Variants in DMPK observed in about 807,000 individuals in gnomAD.
DMPK encodes DM1 protein kinase.
Under a neutral mutation model 70.3 loss-of-function variants are expected in DMPK, and 32 were observed. That is an observed-to-expected ratio of 0.46 (90% CI 0.34 to 0.61). The LOEUF (loss-of-function observed/expected upper bound fraction) is 0.61. Among genes scored for constraint, DMPK ranks in the 20% least tolerant of loss-of-function variants. The probability of loss-of-function intolerance (pLI) is 0.01; values close to 1 mark genes in which losing one functional copy is unlikely to be tolerated. For synonymous variants in DMPK, 469 were observed against 390.9 expected, an observed-to-expected ratio of 1.20 and a Z score of -2.36; for missense variants, 899 against 886.0, an observed-to-expected ratio of 1.01 and a Z score of -0.19.
chr19:45,770,169 G>A lies in DMPK; in HGVS notation c.*319C>T. The stretch of plus-strand genomic sequence containing the variant: ...TTTGCCCATCCACGTCAGGGCCTCA[G>A]CCTGGCCGAAAGAAAGAAATGGTCT... On this transcript the variant is annotated 3_prime_UTR_variant, in exon 15 of 15. Transcript: ENST00000291270. 2 of 660,918 alleles carry A rather than the reference G, an allele frequency of 3.0e-6. No homozygotes were observed. Among genetic ancestry groups the A allele is most frequent in the Admixed American group, 2.4e-5 (1 of 42,288 alleles). 40.9% of individuals were successfully genotyped at this position (660,918 alleles called of 1,614,324 possible). A position where few individuals can be genotyped will look rare whatever the true frequency, so the allele number is the denominator to read the frequency against.
At chr19:45,772,806 G>A in intron 9 of DMPK, 54 bp from the exon 10 acceptor site, 9 of 1,063,590 alleles carry the variant, frequency 8.5e-6, no homozygotes, top group Non-Finnish European at 1.2e-5. Context: ...TTCTCTGGTG[G>A]AGAACCAGAA....
At chr19:45,780,559 C>A (rs1745930047) in intron 1 of DMPK, 2 of 1,026,370 alleles carry the variant, frequency 1.9e-6, no homozygotes, top group Middle Eastern at 2.9e-4. Flanking sequence ...GAATGTTAAA[C>A]TGGGCAGCCT....
At chr19:45,776,769 T>C (rs1484657793) in intron 8 of DMPK, 1 of 152,838 alleles carries the variant, frequency 6.5e-6, no homozygotes, top group Non-Finnish European at 1.5e-5. Flanking sequence ...CCCATCATTT[T>C]TTCTTGTATC....
At chr19:45,778,096 CA>C in intron 6 of DMPK, 30 bp downstream of exon 6, 1 of 1,562,026 alleles carries the variant, frequency 6.4e-7, no homozygotes, top group Non-Finnish European at 8.8e-7. Context: ...TCAGCAGCCC[CA>C]GTTGCTCTGT....
At chr19:45,775,198 C>T in intron 8 of DMPK, 164 bp from the exon 9 acceptor site, 2 of 590,042 alleles carry the variant, frequency 3.4e-6, no homozygotes, top group Non-Finnish European at 3.0e-6. Context: ...TACGGAGTCT[C>T]GCTCTGTTAC....
intron 1 of DMPK, chr19:45,780,149 G>T: frequency 7.0e-7 from 1 of 1,435,754 alleles, no homozygotes; most frequent in Non-Finnish European, 9.1e-7. Flanking sequence ...GTGGGGTAAC[G>T]GAGTCTGCAG....
chr19:45,775,131 C>T, intron 8 of DMPK, 97 bp from the exon 9 acceptor site: 1 of 922,168 alleles, frequency 1.1e-6, no homozygotes. Flanking sequence ...CCAGCCCCAA[C>T]TCAGGGCTTA....
At position 45,771,254 on chromosome 19, in the gene DMPK, G is replaced by A. The variant is rs748842067; in HGVS notation, c.1647+96C>T. ...GCCCTCTAAAGTCGCAAAGACGTAG[G>A]GTGAGCCCTATATCTGGACGGGGAG... On this transcript the variant is annotated intron_variant, in intron 13 of 14. Transcript: ENST00000291270. 3 of 1,483,366 alleles carry A rather than the reference G, an allele frequency of 2.0e-6. No individual in the cohort carries two copies. In the African/African-American group the frequency reaches 4.2e-5, roughly 21 times the overall value. The allele number at this position is 1,483,366 out of a possible 1,614,324, so 91.9% of individuals were successfully genotyped here.
At chr19:45,773,477 A>G (rs1969595740) in intron 9 of DMPK, among the ~76,000 whole-genome samples, 1 of 152,202 alleles carries the variant, frequency 6.6e-6, no homozygotes, top group Non-Finnish European at 1.5e-5. Context: ...ACAAAGTAGC[A>G]TGAGGAAGGG....
chr19:45,781,868 ATGACCC>A (rs1251933039), intron 1 of DMPK, among the ~76,000 whole-genome samples: 3 of 152,270 alleles, frequency 2.0e-5, no homozygotes, highest in African/African-American at 2.4e-5. Flanking sequence ...AGCTCCCAGC[ATGACCC>A]TGACCCTGAC....
In DMPK at chr19:45,770,620, C is replaced by A; in HGVS notation, c.1758G>T (p.Ser586=). 6.4e-7 allele frequency: 1 copy of A among 1,552,634 alleles called. No homozygotes were observed. The highest frequency in any genetic ancestry group is 8.7e-7 in the Non-Finnish European group (1 of 1,148,138). The change falls in exon 15 of 15, where the codon TCG becomes TCT. Residue 586 remains serine (S), a synonymous_variant. Coordinates refer to ENST00000291270, the MANE Select transcript of DMPK (RefSeq NM_004409.5). ...LPARVPRPGL[S]EALSLLLFAV... is the part of the protein sequence containing the mutation. Reference sequence around the variant, plus strand: ...CGAACAGGAGCAGGGAAAGCGCCTCCGATAGGCCAGGCCTAGGGACCTGCG... The same window carrying A: ...CGAACAGGAGCAGGGAAAGCGCCTCAGATAGGCCAGGCCTAGGGACCTGCG...
intron 13 of DMPK, 30 bp from the exon 14 acceptor site, chr19:45,771,090 C>A (rs753859065): frequency 5.3e-6 from 8 of 1,498,696 alleles, no homozygotes; most frequent in Non-Finnish European, 7.2e-6. Context: ...GTGACCCGAT[C>A]GGAGCCCAGC....
In DMPK at chr19:45,771,343, G is replaced by A. The variant is rs747430642; in HGVS notation, c.1647+7C>T. The A allele has an allele frequency of 8.2e-6, 13 of 1,592,968 alleles. No individual in the cohort carries two copies. The highest frequency in any genetic ancestry group is 1.0e-5 in the Non-Finnish European group (12 of 1,172,976). On this transcript the variant is annotated splice_region_variant and intron_variant, in intron 13 of 14. Coordinates refer to ENST00000291270, the MANE Select transcript of DMPK (RefSeq NM_004409.5). ...GGTCTGAGGCAGGGGAAAGAGAGGG[G>A]TCTTACATGGGAAGGTGGATCCGTG...
chr19:45,777,717 A>G lies in DMPK; in HGVS notation c.832T>C (p.Phe278Leu). ...AYEMFYGQTP[F>L]YADSTAETYG... ...GTCTCCGCCGTGGAATCCGCGTAGA[A>G]GGGCGTCTGCCCATAGAACATTTCA... Residue 278 changes from phenylalanine (F) to leucine (L), a missense_variant, in exon 7 of 15, where the codon TTC becomes CTC. This residue lies in a region of DMPK where 195 missense variants were observed against 259.7 expected (regional missense o/e 0.75). Coordinates refer to ENST00000291270, the MANE Select transcript of DMPK (RefSeq NM_004409.5). The surrounding 1 kb of genome is among the most constrained non-coding windows in gnomAD (Gnocchi z 6.7). The G allele has an allele frequency of 6.2e-7, 1 of 1,613,988 alleles. No homozygotes were observed. The highest frequency in any genetic ancestry group is 1.1e-5 in the South Asian group (1 of 91,090).
At chr19:45,774,231 C>T (rs1969646303) in intron 9 of DMPK, among the ~76,000 whole-genome samples, 1 of 150,048 alleles carries the variant, frequency 6.7e-6, no homozygotes, top group Non-Finnish European at 1.5e-5. Context: ...GAATTACAGG[C>T]GTGAGCCACC....
chr19:45,773,381 A>G (rs1171548703), intron 9 of DMPK, among the ~76,000 whole-genome samples: 1 of 152,196 alleles, frequency 6.6e-6, no homozygotes, highest in African/African-American at 2.4e-5. Context: ...GTTCAGAATC[A>G]AGCTGGAGTT....
rs1372172399 is a variant in DMPK at position 45,770,264 on chromosome 19, G to GCAGCAGCAGCAGCAT, written c.*223_*224insATGCTGCTGCTGCTG. 1.1e-4 allele frequency: 91 copies of GCAGCAGCAGCAGCAT among 811,158 alleles called. No individual in the cohort carries two copies. The highest frequency in any genetic ancestry group is 3.4e-4 in the Middle Eastern group (1 of 2,900). 50.2% of individuals were successfully genotyped at this position (811,158 alleles called of 1,614,324 possible). On this transcript the variant is annotated 3_prime_UTR_variant, in exon 15 of 15. Coordinates refer to ENST00000291270, the MANE Select transcript of DMPK (RefSeq NM_004409.5). ...AGCAGCAGCAGCAGCAGCAGCAGCA[G>GCAGCAGCAGCAGCAT]CATTCCCGGCTACAAGGACCCTTCG...
At chr19:45,770,899 CTAAGCGGGTGGCAA>C in intron 14 of DMPK, 58 bp downstream of exon 14, 1 of 1,207,738 alleles carries the variant, frequency 8.3e-7, no homozygotes, top group Non-Finnish European at 1.1e-6. Context: ...AAATGCGCAG[CTAAGCGGGTGGCAA>C]GGGGCGGGTG....
In DMPK at chr19:45,770,976, C is replaced by T. The variant is rs776308207; in HGVS notation, c.1732G>A (p.Ala578Thr). Residue 578 changes from alanine (A) to threonine (T), a missense_variant, in exon 14 of 15, where the codon GCC becomes ACC. This residue lies in a region of DMPK where 555 missense variants were observed against 483.8 expected (regional missense o/e 1.15). Transcript: ENST00000291270. ...PMHRRHLLLP[A>T]RVPRPGLSEA... ...GCGTGGGCAGCCGGACGTACCCTGG[C>T]AGGGAGCAGCAGGTGGCGGCGGTGC... is the stretch of plus-strand genomic sequence containing the variant. 2.1e-6 allele frequency: 3 copies of T among 1,427,172 alleles called. No individual in the cohort carries two copies. Among genetic ancestry groups the T allele is most frequent in the Non-Finnish European group, 1.8e-6 (2 of 1,095,382 alleles). 88.4% of individuals were successfully genotyped at this position (1,427,172 alleles called of 1,614,324 possible).
Sources: gnomAD v4.1 joint callset for allele counts (sites outside exome capture counted in the v4.1 genomes callset) on GRCh38, gnomAD v4.1.1 for gene constraint, gnomAD v4.1.1 regional missense constraint, Gnocchi (gnomAD v3.1) non-coding constraint, MANE v1.5 for transcripts, NCBI Gene and HGNC (gene_info 2026-07-23, HGNC 2026-07-21) for gene names.